MCTP1: variants seen among roughly 807,000 people sequenced by gnomAD.
The protein encoded by MCTP1 is multiple C2 and transmembrane domain containing 1, also known as multiple C2 and transmembrane domain-containing protein 1.
MCTP1 carries 69 observed loss-of-function variants against 120.6 expected under a neutral mutation model. That is an observed-to-expected ratio of 0.57 (90% CI 0.47 to 0.70). MCTP1 has a LOEUF of 0.70. MCTP1 is among the 30% of genes least tolerant of loss of function. MCTP1 has a pLI of 0.00. For missense variants in MCTP1, 1,203 were observed against 1,248.8 expected, an observed-to-expected ratio of 0.96 and a Z score of 0.55; for synonymous variants, 529 against 493.1, an observed-to-expected ratio of 1.07 and a Z score of -0.96.
chr5:94,972,238 G>A (rs1304487254), intron 2 of MCTP1, among the ~76,000 whole-genome samples: 3 of 152,096 alleles, frequency 2.0e-5, no homozygotes, highest in Non-Finnish European at 2.9e-5. Flanking sequence ...AGTATTCAAA[G>A]CTTCTCCTTG....
intron 18 of MCTP1, among the ~76,000 whole-genome samples, chr5:94,785,750 TTG>T (rs908268686): frequency 4.1e-4 from 63 of 152,206 alleles, no homozygotes; most frequent in African/African-American, 1.5e-3. Flanking sequence ...ATCTTAGAAA[TTG>T]TTTTTAAGTG....
rs116540802 is a variant in MCTP1 at position 95,147,604 on chromosome 5, G to A, written c.721-130120C>T. On this transcript the variant is annotated intron_variant, in intron 1 of 22. Transcript: ENST00000515393. ...AGCTTGTGGGTGTCACTACATGCAA[G>A]ATGGGTCTCTCAAAGGCAGCAGACA... Among the ~76,000 whole-genome samples the A allele has an allele frequency of 7.9e-3, 1,209 of 152,318 alleles. 18 individuals are homozygous for A. The highest frequency in any genetic ancestry group is 0.028 in the African/African-American group (1,145 of 41,558).
intron 17 of MCTP1, among the ~76,000 whole-genome samples, chr5:94,821,703 G>A (rs1287480613): frequency 6.6e-6 from 1 of 152,016 alleles, no homozygotes; most frequent in Non-Finnish European, 1.5e-5. Context: ...TTGGTTCCAG[G>A]ACCACCCTCT....
At chr5:94,724,312 C>T (rs553114143) in intron 19 of MCTP1, among the ~76,000 whole-genome samples, 37 of 152,056 alleles carry the variant, frequency 2.4e-4, no homozygotes, top group Non-Finnish European at 4.0e-4. Context: ...GTGGCTCCAT[C>T]ACAGCTCATT....
chr5:95,084,145 T>C lies in MCTP1; in HGVS notation c.721-66661A>G, dbSNP rs573801803. 6.0e-4 allele frequency among the ~76,000 whole-genome samples: 91 copies of C among 152,276 alleles called. 2 individuals are homozygous for C. Among genetic ancestry groups the C allele is most frequent in the African/African-American group, 1.9e-3 (80 of 41,590 alleles). ...GTGATGGGGGACAAAGAGAGATCAA[T>C]GTTTTGCTCAGTTTATTACCTCCTG... is the stretch of plus-strand genomic sequence containing the variant. On this transcript the variant is annotated intron_variant, in intron 1 of 22. Transcript: ENST00000515393.
At chr5:95,177,034 TGA>T (rs149455367) in intron 1 of MCTP1, among the ~76,000 whole-genome samples, 32 of 149,238 alleles carry the variant, frequency 2.1e-4, no homozygotes, top group South Asian at 4.2e-4. Context: ...CCAGCTAATT[TGA>T]GAGAGAGAGA....
chr5:95,188,413 A>G (rs892225149), intron 1 of MCTP1, among the ~76,000 whole-genome samples: 1 of 152,210 alleles, frequency 6.6e-6, no homozygotes, highest in Non-Finnish European at 1.5e-5. Context: ...GGGCATTTAT[A>G]CCAGAGCAAT....
intron 1 of MCTP1, among the ~76,000 whole-genome samples, chr5:95,169,651 C>A (rs1746953657): frequency 6.6e-6 from 1 of 152,140 alleles, no homozygotes; most frequent in African/African-American, 2.4e-5. Flanking sequence ...GGAATTTATC[C>A]ATTTTTTCTA....
intron 1 of MCTP1, among the ~76,000 whole-genome samples, chr5:95,271,758 TTATA>T (rs940310236): frequency 7.3e-5 from 11 of 151,720 alleles, no homozygotes; most frequent in African/African-American, 2.4e-4. Context: ...TTACAAAACA[TTATA>T]TATATTTTTA....
At chr5:94,728,480 A>G (rs1433563494) in intron 19 of MCTP1, among the ~76,000 whole-genome samples, 1 of 152,158 alleles carries the variant, frequency 6.6e-6, no homozygotes, top group Non-Finnish European at 1.5e-5. Flanking sequence ...TGAGGCTATG[A>G]TGTACTTTCC....
intron 2 of MCTP1, among the ~76,000 whole-genome samples, chr5:94,987,886 A>G (rs1830704829): frequency 6.6e-6 from 1 of 152,196 alleles, no homozygotes; most frequent in African/African-American, 2.4e-5. Flanking sequence ...GGTTTTACAC[A>G]AAGAGTTTGT....
chr5:95,048,101 G>A (rs1248277391), intron 1 of MCTP1, among the ~76,000 whole-genome samples: 1 of 152,096 alleles, frequency 6.6e-6, no homozygotes, highest in Non-Finnish European at 1.5e-5. Flanking sequence ...CTGCATAATT[G>A]CTTTTACTCT....
At chr5:95,065,105 T>C (rs1193330626) in intron 1 of MCTP1, among the ~76,000 whole-genome samples, 1 of 152,090 alleles carries the variant, frequency 6.6e-6, no homozygotes, top group Non-Finnish European at 1.5e-5. Context: ...ATTAAAACTA[T>C]TTCAAGAATA....
chr5:94,836,179 C>CAAA (rs35396232), intron 17 of MCTP1, among the ~76,000 whole-genome samples: 21 of 65,972 alleles, frequency 3.2e-4, no homozygotes, highest in Admixed American at 7.7e-4. Context: ...GACTCCGTCT[C>CAAA]AAAAAAAAAA....
At chr5:94,774,759 CAGTTA>C (rs1561613383) in intron 19 of MCTP1, among the ~76,000 whole-genome samples, 2 of 152,142 alleles carry the variant, frequency 1.3e-5, no homozygotes, top group African/African-American at 2.4e-5. Context: ...AATGCTATTC[CAGTTA>C]AATGTGGCTT....
intron 3 of MCTP1, among the ~76,000 whole-genome samples, chr5:94,944,185 T>C (rs1818395858): frequency 1.3e-5 from 2 of 152,298 alleles, no homozygotes; most frequent in East Asian, 1.9e-4. Flanking sequence ...TGGGGATTTA[T>C]TTAAGTAATA....
intron 1 of MCTP1, among the ~76,000 whole-genome samples, chr5:95,179,308 T>G (rs769985014): frequency 6.6e-6 from 1 of 152,116 alleles, no homozygotes; most frequent in Non-Finnish European, 1.5e-5. Flanking sequence ...GATCTAGATA[T>G]CCAAATACGA....
intron 1 of MCTP1, among the ~76,000 whole-genome samples, chr5:95,164,601 A>G (rs1014871737): frequency 1.3e-5 from 2 of 152,220 alleles, no homozygotes; most frequent in African/African-American, 4.8e-5. Context: ...AAGTTTTAGT[A>G]TAATAATACA....
intron 1 of MCTP1, among the ~76,000 whole-genome samples, chr5:95,065,241 TA>T (rs58697425): frequency 2.2e-3 from 332 of 152,030 alleles, no homozygotes; most frequent in African/African-American, 7.1e-3. Context: ...TTATGTAGCA[TA>T]AAAATTTATC....
Sources: gnomAD v4.1 joint callset for allele counts (sites outside exome capture counted in the v4.1 genomes callset) on GRCh38, gnomAD v4.1.1 for gene constraint, MANE v1.5 for transcripts, NCBI Gene and HGNC (gene_info 2026-07-23, HGNC 2026-07-21) for gene names.